REP15: variants seen among roughly 807,000 people sequenced by gnomAD.
REP15 encodes the protein RAB15 effector protein.
A neutral mutation model predicts 1.1 loss-of-function variants in REP15; 1 was observed. That is an observed-to-expected ratio of 0.89 (90% confidence interval 0.32 to 4.24). The LOEUF is 4.24. Ranked by LOEUF, REP15 falls within the 30% of genes most tolerant of loss-of-function variation. The pLI is 0.17. For missense variants in REP15, 246 were observed against 271.9 expected (o/e 0.90, Z 0.67); for synonymous variants, 100 against 99.7 (o/e 1.00, Z -0.02).
Position 27,696,865 on chromosome 12 carries a change from C to T in REP15, c.303C>T (p.Asn101=). Reference sequence around the variant, plus strand: ...GGATTTGGACCTTTTGGGGATCCAACAAGCAAATAAAGCTTCAGCTCGCAG... The same window carrying T: ...GGATTTGGACCTTTTGGGGATCCAATAAGCAAATAAAGCTTCAGCTCGCAG... ...ADWIWTFWGS[N]KQIKLQLAVQ... is the part of the protein sequence containing the mutation. The change falls in exon 1 of 1, where the codon AAC becomes AAT. Residue 101 remains asparagine, a synonymous_variant. Coordinates refer to ENST00000310791, the MANE Select transcript of REP15 (RefSeq NM_001029874.3). 1 of 1,614,118 alleles carries T rather than the reference C, an allele frequency of 6.2e-7. No individual in the cohort carries two copies. The highest frequency in any genetic ancestry group is 1.1e-5 in the South Asian group (1 of 91,074).
chr12:27,697,372 T>C lies in REP15; in HGVS notation c.*99T>C. The C allele has an allele frequency of 1.5e-6, 1 of 684,416 alleles. No individual in the cohort carries two copies. Among genetic ancestry groups the C allele is most frequent in the Non-Finnish European group, 2.5e-6 (1 of 402,944 alleles). 42.4% of individuals were successfully genotyped at this position (684,416 alleles called of 1,614,324 possible). ...TGCATCATTCCAGCATGGGATTTTT[T>C]TTCATTTGTTTTCCCATTGATTGAA... On this transcript the variant is annotated 3_prime_UTR_variant, in exon 1 of 1. Coordinates refer to ENST00000310791, the MANE Select transcript of REP15 (RefSeq NM_001029874.3).
chr12:27,697,334 A>T lies in REP15; in HGVS notation c.*61A>T. ...AAAAGAAAAAAAGATTCTAATAAGC[A>T]AGCTCACCTATTTGCATCATTCCAG... On this transcript the variant is annotated 3_prime_UTR_variant, in exon 1 of 1. Coordinates refer to ENST00000310791, the MANE Select transcript of REP15 (RefSeq NM_001029874.3). The T allele has an allele frequency of 1.0e-6, 1 of 992,322 alleles. No individual in the cohort carries two copies. The allele number at this position is 992,322 out of a possible 1,614,324, so 61.5% of individuals were successfully genotyped here. A position where few individuals can be genotyped will look rare whatever the true frequency, so the allele number is the denominator to read the frequency against.
chr12:27,697,058 T>G lies in REP15; in HGVS notation c.496T>G (p.Phe166Val). ...GEDCLGLFII[F>V]GMPGKPKDIR... ...GGATTGCCTGGGTCTGTTTATCATC[T>G]TTGGTATGCCAGGAAAGCCTAAAGA... Residue 166 changes from phenylalanine (F) to valine (V), a missense_variant, in exon 1 of 1, where the codon TTT becomes GTT. Phe to Val is a conservative substitution (Grantham distance 50). Coordinates refer to ENST00000310791, the MANE Select transcript of REP15 (RefSeq NM_001029874.3). 6.2e-7 allele frequency: 1 copy of G among 1,614,130 alleles called. No individual in the cohort carries two copies. Among genetic ancestry groups the G allele is most frequent in the Non-Finnish European group, 8.5e-7 (1 of 1,180,000 alleles).
chr12:27,697,102 G>A lies in REP15; in HGVS notation c.540G>A (p.Leu180=), dbSNP rs1487592412. Residue 180 remains leucine, a synonymous_variant, in exon 1 of 1, where the codon CTG becomes CTA. Coordinates refer to ENST00000310791, the MANE Select transcript of REP15 (RefSeq NM_001029874.3). ...GKPKDIRGVV[L]DSVKSQMVRS... ...CTAAAGACATCAGGGGAGTTGTCCTGGACAGTGTCAAAAGTCAGATGGTGA... is the reference window on the plus strand; with the variant it reads ...CTAAAGACATCAGGGGAGTTGTCCTAGACAGTGTCAAAAGTCAGATGGTGA... 1 of 1,613,976 alleles carries A rather than the reference G, an allele frequency of 6.2e-7. No homozygotes were observed. The highest frequency in any genetic ancestry group is 2.2e-5 in the East Asian group (1 of 44,900).
rs2061737489 is a variant in REP15, at chr12:27,697,126, G to A, written c.564G>A (p.Val188=). The change falls in exon 1 of 1, where the codon GTG becomes GTA. Residue 188 remains valine, a synonymous_variant. Transcript: ENST00000310791. ...VVLDSVKSQM[V]RSHLPGGKAV... is the part of the protein sequence containing the mutation. The stretch of plus-strand genomic sequence containing the variant: ...TGGACAGTGTCAAAAGTCAGATGGT[G>A]AGGAGCCATCTGCCAGGAGGGAAGG... The A allele has an allele frequency of 1.9e-6, 3 of 1,613,858 alleles. No individual in the cohort carries two copies. Among genetic ancestry groups the A allele is most frequent in the Non-Finnish European group, 2.5e-6 (3 of 1,179,748 alleles).
In REP15 at chr12:27,696,726, T is replaced by C; in HGVS notation, c.164T>C (p.Leu55Pro). Residue 55 changes from leucine to proline, a missense_variant, in exon 1 of 1, where the codon CTG becomes CCG. Physicochemically the swap from Leu to Pro is moderately conservative, Grantham distance 98. Transcript: ENST00000310791. ...PSKLCPAANT[L>P]NEIFLIHFIT... ...AAACTCTGCCCAGCTGCAAATACTC[T>C]GAATGAGATCTTCTTAATCCATTTC... The C allele has an allele frequency of 6.2e-7, 1 of 1,614,252 alleles. No individual in the cohort carries two copies. The highest frequency in any genetic ancestry group is 8.5e-7 in the Non-Finnish European group (1 of 1,180,054).
Position 27,696,759 on chromosome 12 carries a change from T to A in REP15, c.197T>A (p.Phe66Tyr). The A allele has an allele frequency of 3.7e-6, 6 of 1,614,130 alleles. No individual in the cohort carries two copies. Among genetic ancestry groups the A allele is most frequent in the Non-Finnish European group, 5.1e-6 (6 of 1,179,976 alleles). The change falls in exon 1 of 1, where the codon TTC becomes TAC. Residue 66 changes from phenylalanine (F) to tyrosine (Y), a missense_variant. Transcript: ENST00000310791. ...NEIFLIHFIT[F>Y]CQEKGVDEWL... ...ATCTTCTTAATCCATTTCATCACTT[T>A]CTGCCAAGAAAAGGGAGTTGATGAG...
At position 27,697,594 on chromosome 12, in the gene REP15, A is replaced by G. The variant is rs527929210; in HGVS notation, c.*321A>G. 9.1e-6 allele frequency: 2 copies of G among 219,838 alleles called. No homozygotes were observed. Among genetic ancestry groups the G allele is most frequent in the Admixed American group, 1.0e-4 (2 of 19,098 alleles). The allele number at this position is 219,838 out of a possible 1,614,324, so 13.6% of individuals were successfully genotyped here. A position where few individuals can be genotyped will look rare whatever the true frequency, so the allele number is the denominator to read the frequency against. On this transcript the variant is annotated 3_prime_UTR_variant, in exon 1 of 1. Transcript: ENST00000310791. ...CATTTAAAGTTTGATTTGCAAAAAA[A>G]AAGTGTCTGTTTGAAATAATAAGTC... is the stretch of plus-strand genomic sequence containing the variant.
At position 27,696,961 on chromosome 12, in the gene REP15, A is replaced by C; in HGVS notation, c.399A>C (p.Ser133=). ...SKPCDLSNPE[S]RVEESSWKKS... ...CTTGTGACCTTTCCAATCCAGAATC[A>C]AGGGTAGAGGAGTCTTCCTGGAAGA... is the stretch of plus-strand genomic sequence containing the variant. Residue 133 remains serine (S), a synonymous_variant, in exon 1 of 1, where the codon TCA becomes TCC. Coordinates refer to ENST00000310791, the MANE Select transcript of REP15 (RefSeq NM_001029874.3). 6.2e-7 allele frequency: 1 copy of C among 1,614,168 alleles called. No individual in the cohort carries two copies. The highest frequency in any genetic ancestry group is 8.5e-7 in the Non-Finnish European group (1 of 1,180,012).
At position 27,697,406 on chromosome 12, in the gene REP15, C is replaced by T; in HGVS notation, c.*133C>T. 3.3e-6 allele frequency: 2 copies of T among 601,346 alleles called. No individual in the cohort carries two copies. Among genetic ancestry groups the T allele is most frequent in the Non-Finnish European group, 5.9e-6 (2 of 337,694 alleles). 37.3% of individuals were successfully genotyped at this position (601,346 alleles called of 1,614,324 possible). A position where few individuals can be genotyped will look rare whatever the true frequency, so the allele number is the denominator to read the frequency against. ...TTTTCCCATTGATTGAAAATGATTACTGGGATCAAAGTACATTCATGTCGC... is the reference window on the plus strand; with the variant it reads ...TTTTCCCATTGATTGAAAATGATTATTGGGATCAAAGTACATTCATGTCGC... On this transcript the variant is annotated 3_prime_UTR_variant, in exon 1 of 1. Transcript: ENST00000310791.
rs2061742915 is a variant in REP15 at position 27,697,559 on chromosome 12, A to T, written c.*286A>T. ...TCAATAATAAAAATGGAAGAGAGAT[A>T]ATAAAGTCACATTTAAAGTTTGATT... On this transcript the variant is annotated 3_prime_UTR_variant, in exon 1 of 1. Coordinates refer to ENST00000310791, the MANE Select transcript of REP15 (RefSeq NM_001029874.3). The T allele has an allele frequency of 3.8e-6, 1 of 262,758 alleles. No homozygotes were observed. The highest frequency in any genetic ancestry group is 2.2e-5 in the African/African-American group (1 of 44,672). 16.3% of individuals were successfully genotyped at this position (262,758 alleles called of 1,614,324 possible). A position where few individuals can be genotyped will look rare whatever the true frequency, so the allele number is the denominator to read the frequency against.
In REP15 at chr12:27,696,838, C is replaced by T; in HGVS notation, c.276C>T (p.Asp92=). The T allele has an allele frequency of 6.2e-7, 1 of 1,614,114 alleles. No individual in the cohort carries two copies. Among genetic ancestry groups the T allele is most frequent in the Non-Finnish European group, 8.5e-7 (1 of 1,180,000 alleles). ...ACCAAGCCTTCCTGTTTGGTGCAGA[C>T]TGGATTTGGACCTTTTGGGGATCCA... is the stretch of plus-strand genomic sequence containing the variant. ...TKHQAFLFGA[D]WIWTFWGSNK... The change falls in exon 1 of 1, where the codon GAC becomes GAT. Residue 92 remains aspartate (D), a synonymous_variant. Transcript: ENST00000310791.
chr12:27,696,622 C>A lies in REP15; in HGVS notation c.60C>A (p.Val20=), dbSNP rs1177103030. Residue 20 remains valine (V), a synonymous_variant, in exon 1 of 1, where the codon GTC becomes GTA. Transcript: ENST00000310791. ...ALKDSKEVPV[V]CEVVSEAIVH... Reference sequence around the variant, plus strand: ...AGGACAGCAAAGAGGTGCCCGTCGTCTGTGAGGTGGTCAGTGAAGCTATAG... The same window carrying A: ...AGGACAGCAAAGAGGTGCCCGTCGTATGTGAGGTGGTCAGTGAAGCTATAG... The A allele has an allele frequency of 4.3e-6, 7 of 1,613,678 alleles. No homozygotes were observed. Among genetic ancestry groups the A allele is most frequent in the Non-Finnish European group, 5.9e-6 (7 of 1,179,702 alleles).
chr12:27,697,235 C>G lies in REP15; in HGVS notation c.673C>G (p.Leu225Val), dbSNP rs770621154. 4 of 1,613,594 alleles carry G rather than the reference C, an allele frequency of 2.5e-6. No individual in the cohort carries two copies. In the African/African-American group the frequency reaches 5.3e-5, roughly 22 times the overall value. Reference protein sequence around the residue: ...LRNCLSKKDGLREVGKVYISI... With the variant: ...LRNCLSKKDGVREVGKVYISI... ...AAATTGTCTGAGTAAGAAAGACGGG[C>G]TGAGAGAGGTGGGCAAGGTTTATAT... Residue 225 changes from leucine to valine, a missense_variant, in exon 1 of 1, where the codon CTG becomes GTG. By Grantham distance (32) the Leu-to-Val change is conservative. Transcript: ENST00000310791.
In REP15 at chr12:27,696,619, C is replaced by G. The variant is rs200938773; in HGVS notation, c.57C>G (p.Val19=). 9.3e-6 allele frequency: 15 copies of G among 1,612,998 alleles called. No individual in the cohort carries two copies. The highest frequency in any genetic ancestry group is 2.7e-5 in the African/African-American group (2 of 75,038). Residue 19 remains valine, a synonymous_variant, in exon 1 of 1, where the codon GTC becomes GTG. Transcript: ENST00000310791. ...TGAAGGACAGCAAAGAGGTGCCCGT[C>G]GTCTGTGAGGTGGTCAGTGAAGCTA... is the stretch of plus-strand genomic sequence containing the variant. ...LALKDSKEVP[V]VCEVVSEAIV...
Position 27,696,805 on chromosome 12 carries a change from G to A in REP15, c.243G>A (p.Met81Ile). The change falls in exon 1 of 1, where the codon ATG becomes ATA. Residue 81 changes from methionine (M) to isoleucine (I), a missense_variant. By Grantham distance (10) the Met-to-Ile change is conservative (BLOSUM62 1). Transcript: ENST00000310791. ...GVDEWLTTTK[M>I]TKHQAFLFGA... ...ATGAGTGGCTGACCACCACCAAGAT[G>A]ACCAAGCACCAAGCCTTCCTGTTTG... 6.2e-7 allele frequency: 1 copy of A among 1,614,072 alleles called. No individual in the cohort carries two copies. The highest frequency in any genetic ancestry group is 1.1e-5 in the South Asian group (1 of 91,030).
rs753164133 is a variant in REP15, at chr12:27,697,179, A to G, written c.617A>G (p.Glu206Gly). 2.5e-6 allele frequency: 4 copies of G among 1,614,134 alleles called. No individual in the cohort carries two copies. The South Asian group carries it at 3.3e-5, about 13-fold the overall frequency. ...KAVAQFVLET[E>G]DCVFIKELLR... The stretch of plus-strand genomic sequence containing the variant: ...GTGGCTCAGTTTGTCCTGGAAACTG[A>G]AGATTGTGTGTTCATCAAAGAGCTG... The change falls in exon 1 of 1, where the codon GAA (glutamate) becomes GGA (glycine). Residue 206 changes from glutamate (E) to glycine (G), a missense_variant. By Grantham distance (98) the Glu-to-Gly change is moderately conservative. Coordinates refer to ENST00000310791, the MANE Select transcript of REP15 (RefSeq NM_001029874.3).
rs1286585597 is a variant in REP15 at position 27,697,140 on chromosome 12, C to T, written c.578C>T (p.Pro193Leu). Residue 193 changes from proline (P) to leucine (L), a missense_variant, in exon 1 of 1, where the codon CCA becomes CTA. Pro to Leu is a moderately conservative substitution (Grantham distance 98). Coordinates refer to ENST00000310791, the MANE Select transcript of REP15 (RefSeq NM_001029874.3). ...AGTCAGATGGTGAGGAGCCATCTGC[C>T]AGGAGGGAAGGCTGTGGCTCAGTTT... is the stretch of plus-strand genomic sequence containing the variant. The part of the protein sequence containing the change: ...VKSQMVRSHL[P>L]GGKAVAQFVL... The T allele has an allele frequency of 6.2e-7, 1 of 1,613,912 alleles. No homozygotes were observed. The highest frequency in any genetic ancestry group is 1.3e-5 in the African/African-American group (1 of 74,992).
chr12:27,697,567 C>CTTTTCCTGA lies in REP15; in HGVS notation c.*294_*295insTTTTCCTGA. ...AAAAATGGAAGAGAGATAATAAAGT[C>CTTTTCCTGA]ACATTTAAAGTTTGATTTGCAAAAA... On this transcript the variant is annotated 3_prime_UTR_variant, in exon 1 of 1. Coordinates refer to ENST00000310791, the MANE Select transcript of REP15 (RefSeq NM_001029874.3). 4.1e-6 allele frequency: 1 copy of CTTTTCCTGA among 246,072 alleles called. No homozygotes were observed. Among genetic ancestry groups the CTTTTCCTGA allele is most frequent in the African/African-American group, 2.3e-5 (1 of 43,856 alleles). The allele number at this position is 246,072 out of a possible 1,614,324, so 15.2% of individuals were successfully genotyped here.
Sources: gnomAD v4.1 joint callset for allele counts on GRCh38, gnomAD v4.1.1 for gene constraint, MANE v1.5 for transcripts, NCBI Gene and HGNC (gene_info 2026-07-23, HGNC 2026-07-21) for gene names.